TOR3A: variants seen among roughly 807,000 people sequenced by gnomAD.
The protein encoded by TOR3A is torsin-3A.
In TOR3A, 44 loss-of-function variants were observed where a neutral mutation model predicts 42.1. That is an observed-to-expected ratio of 1.04 (90% CI 0.82 to 1.34). TOR3A has a LOEUF of 1.34. TOR3A is among the 40% of genes most tolerant of loss of function. TOR3A has a pLI of 0.00. For missense variants in TOR3A, 521 were observed against 507.6 expected (o/e 1.03, Z -0.25); for synonymous variants, 227 against 213.2 (o/e 1.06, Z -0.57).
At chr1:179,087,637 C>A (rs1008450458) in intron 3 of TOR3A, among the ~76,000 whole-genome samples, 2 of 152,162 alleles carry the variant, frequency 1.3e-5, no homozygotes, top group Admixed American at 1.3e-4. Context: ...GGCTTCTCCC[C>A]ACTCCTTTCT....
chr1:179,095,127 AGAT>A lies in TOR3A; in HGVS notation c.1108_1110del (p.Met370del), dbSNP rs546012729. 19 of 1,614,130 alleles carry A rather than the reference AGAT, an allele frequency of 1.2e-5. No homozygotes were observed. Among genetic ancestry groups the A allele is most frequent in the Non-Finnish European group, 1.6e-5 (19 of 1,180,050 alleles). The stretch of plus-strand genomic sequence containing the variant: ...GAAGAGACACTGGATGAAATAGCCC[AGAT>A]GATGGTGTATGTCCCCAAGGAGGAA... On this transcript the variant is annotated inframe_deletion, in exon 6 of 6. Transcript: ENST00000367627.
At position 179,095,801 on chromosome 1, in the gene TOR3A, G is replaced by GAATC. The variant is rs760102086; in HGVS notation, c.*585_*588dup. On this transcript the variant is annotated 3_prime_UTR_variant, in exon 6 of 6. Coordinates refer to ENST00000367627, the MANE Select transcript of TOR3A (RefSeq NM_022371.4). ...AAGCCAAGCTGCTTCTGTTGTGAGC[G>GAATC]AATCAGCCAAGAGCCTGAGGCTGAA... 2.4e-4 allele frequency: 237 copies of GAATC among 987,300 alleles called. 1 individual carries two copies. In the Admixed American group the frequency reaches 5.5e-3, roughly 23 times the overall value. The allele number at this position is 987,300 out of a possible 1,614,324, so 61.2% of individuals were successfully genotyped here.
At position 179,082,362 on chromosome 1, in the gene TOR3A, C is replaced by T. The variant is rs764038847; in HGVS notation, c.234C>T (p.Asp78=). 6 of 1,606,638 alleles carry T rather than the reference C, an allele frequency of 3.7e-6. No homozygotes were observed. Among genetic ancestry groups the T allele is most frequent in the Non-Finnish European group, 5.1e-6 (6 of 1,177,780 alleles). The part of the protein sequence containing the change: ...CQVWPDDCDE[D]EEAATGPLGW... ...TGTGGCCCGACGACTGTGACGAGGA[C>T]GAGGAGGCAGCCACGGGGCCCCTGG... is the stretch of plus-strand genomic sequence containing the variant. Residue 78 remains aspartate, a synonymous_variant, in exon 1 of 6, where the codon GAC becomes GAT. Transcript: ENST00000367627.
intron 3 of TOR3A, 46 bp downstream of exon 3, chr1:179,085,939 G>C: frequency 6.3e-7 from 1 of 1,588,378 alleles, no homozygotes; most frequent in South Asian, 1.1e-5. Flanking sequence ...CTGGGAGGGA[G>C]ACCCTTCTGC....
At chr1:179,082,665 C>T (rs952527017) in intron 1 of TOR3A, 11 of 706,990 alleles carry the variant, frequency 1.6e-5, no homozygotes, top group Admixed American at 4.0e-5. Context: ...CTCGCACCGC[C>T]TGTGCCATCT....
chr1:179,085,602 T>C, intron 2 of TOR3A, 26 bp from the exon 3 acceptor site: 1 of 1,608,632 alleles, frequency 6.2e-7, no homozygotes, highest in Non-Finnish European at 8.5e-7. Flanking sequence ...TGCCTTTTGC[T>C]GTGACTACCT....
Position 179,095,490 on chromosome 1 carries a change from CT to C in TOR3A, c.*274del. On this transcript the variant is annotated 3_prime_UTR_variant, in exon 6 of 6. Transcript: ENST00000367627. ...GCCCATTCTTAAGATCACTTGGTGC[CT>C]TAAAGACACGCATTCCAAAGTGGAA... 1 of 1,306,286 alleles carries C rather than the reference CT, an allele frequency of 7.7e-7. No homozygotes were observed. Among genetic ancestry groups the C allele is most frequent in the East Asian group, 3.3e-5 (1 of 30,712 alleles). 80.9% of individuals were successfully genotyped at this position (1,306,286 alleles called of 1,614,324 possible).
intron 4 of TOR3A, among the ~76,000 whole-genome samples, chr1:179,089,696 A>C (rs1451035350): frequency 6.6e-6 from 1 of 152,080 alleles, no homozygotes. Context: ...TGGTTTCTCC[A>C]CCTGAGCCCT....
intron 3 of TOR3A, among the ~76,000 whole-genome samples, chr1:179,087,578 G>C (rs1470394754): frequency 6.6e-6 from 1 of 152,216 alleles, no homozygotes; most frequent in Non-Finnish European, 1.5e-5. Context: ...TGTAGTCCTG[G>C]AGAGGAGAGA....
chr1:179,083,663 C>G (rs1245815198), intron 2 of TOR3A, among the ~76,000 whole-genome samples: 1 of 149,560 alleles, frequency 6.7e-6, no homozygotes, highest in East Asian at 2.0e-4. Flanking sequence ...CCTGCCTTGG[C>G]CTCCAAGAGT....
intron 2 of TOR3A, among the ~76,000 whole-genome samples, chr1:179,083,591 G>A (rs369338119): frequency 2.4e-5 from 1 of 42,168 alleles, no homozygotes; most frequent in East Asian, 6.1e-4. Flanking sequence ...CGGGGGGGGG[G>A]GGGGGGGGCG....
At chr1:179,089,277 C>A (rs1652516012) in intron 4 of TOR3A, among the ~76,000 whole-genome samples, 1 of 149,682 alleles carries the variant, frequency 6.7e-6, no homozygotes, top group South Asian at 2.1e-4. Context: ...GCTGAGATCA[C>A]ACCATTGCAC....
chr1:179,093,602 C>G (rs1441072514), intron 4 of TOR3A, among the ~76,000 whole-genome samples: 4 of 152,224 alleles, frequency 2.6e-5, no homozygotes. Flanking sequence ...CCTTAGCCAG[C>G]CTTTCATGCC....
Position 179,095,298 on chromosome 1 carries a change from CTG to C in TOR3A, c.*83_*84del. Reference sequence around the variant, plus strand: ...ACCTGTAGGAGCACCCCGTTTGGGACTGTGAGGTGTTTGAGGGTGTGGACTGG... The same window carrying C: ...ACCTGTAGGAGCACCCCGTTTGGGACTGAGGTGTTTGAGGGTGTGGACTGG... On this transcript the variant is annotated 3_prime_UTR_variant, in exon 6 of 6. Coordinates refer to ENST00000367627, the MANE Select transcript of TOR3A (RefSeq NM_022371.4). 3 of 1,581,786 alleles carry C rather than the reference CTG, an allele frequency of 1.9e-6. No homozygotes were observed. Among genetic ancestry groups the C allele is most frequent in the Non-Finnish European group, 2.6e-6 (3 of 1,165,796 alleles).
Position 179,085,665 on chromosome 1 carries a change from G to T in TOR3A, c.411G>T (p.Gln137His), listed in dbSNP as rs867730535. Residue 137 changes from glutamine (Q) to histidine (H), a missense_variant, in exon 3 of 6, where the codon CAG becomes CAT. Coordinates refer to ENST00000367627, the MANE Select transcript of TOR3A (RefSeq NM_022371.4). ...ACCTGAATGTGCGGCTGCATGGCCAGCATTTGGTCCAGCAGCTGGTCCTAA... is the reference window on the plus strand; with the variant it reads ...ACCTGAATGTGCGGCTGCATGGCCATCATTTGGTCCAGCAGCTGGTCCTAA... Reference protein sequence around the residue: ...EWDLNVRLHGQHLVQQLVLRT... With the variant: ...EWDLNVRLHGHHLVQQLVLRT... The T allele has an allele frequency of 6.2e-7, 1 of 1,614,186 alleles. No individual in the cohort carries two copies. Among genetic ancestry groups the T allele is most frequent in the Middle Eastern group, 1.6e-4 (1 of 6,062 alleles).
chr1:179,089,638 C>A (rs921012344), intron 4 of TOR3A, among the ~76,000 whole-genome samples: 1 of 152,212 alleles, frequency 6.6e-6, no homozygotes, highest in African/African-American at 2.4e-5. Context: ...CAGGTGGGGG[C>A]TGCAACATGC....
chr1:179,093,435 C>T (rs1340325668), intron 4 of TOR3A, among the ~76,000 whole-genome samples: 4 of 152,206 alleles, frequency 2.6e-5, no homozygotes, highest in African/African-American at 4.8e-5. Flanking sequence ...TTGAGGCTAA[C>T]GCTTGTTCTT....
chr1:179,094,358 C>G, intron 5 of TOR3A, 141 bp downstream of exon 5: 1 of 1,122,432 alleles, frequency 8.9e-7, no homozygotes, highest in South Asian at 1.8e-5. Flanking sequence ...ATTGTCAACC[C>G]TGGGTGGGCA....
rs1392105086 is a variant in TOR3A, at chr1:179,082,158, GC to G, written c.31del (p.Leu11SerfsTer91). 4 of 1,511,228 alleles carry G rather than the reference GC, an allele frequency of 2.6e-6. No individual in the cohort carries two copies. Among genetic ancestry groups the G allele is most frequent in the Non-Finnish European group, 3.5e-6 (4 of 1,139,882 alleles). The allele number at this position is 1,511,228 out of a possible 1,614,324, so 93.6% of individuals were successfully genotyped here. A position where few individuals can be genotyped will look rare whatever the true frequency, so the allele number is the denominator to read the frequency against. On this transcript the variant is annotated frameshift_variant, in exon 1 of 6. Coordinates refer to ENST00000367627, the MANE Select transcript of TOR3A (RefSeq NM_022371.4). LOFTEE classifies it high-confidence loss of function. ...TTCGCGGTCCGTGGCGCCAGCTTTG[GC>G]TCTTTTTCCTGCTGCTGCTCCCGGG... MLRGPWRQLW[L>X]FFLLLLPGAP...
Sources: gnomAD v4.1 joint callset for allele counts (sites outside exome capture counted in the v4.1 genomes callset) on GRCh38, gnomAD v4.1.1 for gene constraint, MANE v1.5 for transcripts, NCBI Gene and HGNC (gene_info 2026-07-23, HGNC 2026-07-21) for gene names.